Variants in VOPP1 observed in about 807,000 individuals in gnomAD.
VOPP1 encodes the protein VOPP1 WW domain binding protein.
In VOPP1, 8 loss-of-function variants were observed where a neutral mutation model predicts 23.5. That is an observed-to-expected ratio of 0.34 (90% confidence interval 0.20 to 0.61). The LOEUF (loss-of-function observed/expected upper bound fraction) is 0.61. Among genes scored for constraint, VOPP1 ranks in the 20% least tolerant of loss-of-function variants. The pLI, the probability that VOPP1 is intolerant of heterozygous loss-of-function variation, is 0.78. For synonymous variants in VOPP1, 83 were observed against 97.3 expected, an observed-to-expected ratio of 0.85 and a Z score of 0.86; for missense variants, 174 against 238.1, an observed-to-expected ratio of 0.73 and a Z score of 1.77.
chr7:55,482,404 G>C (rs1454558395), intron 4 of VOPP1, among the ~76,000 whole-genome samples: 1 of 148,138 alleles, frequency 6.8e-6, no homozygotes, highest in African/African-American at 2.5e-5. Flanking sequence ...CTGGAGTGCA[G>C]TGGCGCTATC....
intron 4 of VOPP1, among the ~76,000 whole-genome samples, chr7:55,436,974 A>ATC (rs1395133089): frequency 1.3e-5 from 2 of 152,196 alleles, no homozygotes; most frequent in Non-Finnish European, 2.9e-5. Context: ...ACATGTTGAT[A>ATC]AAGATATTAC....
intron 2 of VOPP1, among the ~76,000 whole-genome samples, chr7:55,519,361 G>A (rs1218687574): frequency 1.3e-5 from 2 of 152,150 alleles, no homozygotes; most frequent in Non-Finnish European, 2.9e-5. Context: ...AATGGATAAA[G>A]AACAAATGAA....
At chr7:55,498,361 T>C (rs1794123068) in intron 2 of VOPP1, among the ~76,000 whole-genome samples, 1 of 152,176 alleles carries the variant, frequency 6.6e-6, no homozygotes, top group Admixed American at 6.5e-5. Flanking sequence ...GTGTCTGAGG[T>C]TTCCGGGCCC....
chr7:55,520,402 C>T (rs1795760673), intron 2 of VOPP1, among the ~76,000 whole-genome samples: 1 of 152,132 alleles, frequency 6.6e-6, no homozygotes, highest in Non-Finnish European at 1.5e-5. Context: ...TGACTGATAA[C>T]CTGGAGAGTT....
chr7:55,521,928 T>C lies in VOPP1; in HGVS notation c.55-798A>G, dbSNP rs73698747. On this transcript the variant is annotated intron_variant, in intron 1 of 4. Transcript: ENST00000285279. The stretch of plus-strand genomic sequence containing the variant: ...TTCTAAAATTATTCCATTCGTGCTG[T>C]CATTTTTGTTTTACATTCACAACGT... The C allele has an allele frequency of 1.3e-3, 1,285 of 984,706 alleles. 13 individuals carry two copies. The African/African-American group carries it at 0.021, about 16-fold the overall frequency. The allele number at this position is 984,706 out of a possible 1,614,324, so 61.0% of individuals were successfully genotyped here.
intron 2 of VOPP1, among the ~76,000 whole-genome samples, chr7:55,499,614 C>T (rs754629439): frequency 1.3e-4 from 20 of 152,178 alleles, no homozygotes; most frequent in Non-Finnish European, 2.1e-4. Context: ...AAAATGGAGC[C>T]GGCACCGGCA....
At chr7:55,552,655 T>C (rs1243937634) in intron 1 of VOPP1, 11 of 1,535,908 alleles carry the variant, frequency 7.2e-6, no homozygotes, top group Non-Finnish European at 9.6e-6. Flanking sequence ...TTTCCTACCA[T>C]ATGACACCGC....
intron 1 of VOPP1, among the ~76,000 whole-genome samples, chr7:55,552,035 A>G (rs946546817): frequency 8.0e-6 from 1 of 124,598 alleles, no homozygotes; most frequent in Admixed American, 7.8e-5. Context: ...AAAAAAAAAA[A>G]AAAAAAAAAA....
At chr7:55,492,156 T>A (rs1793616256) in intron 4 of VOPP1, 126 bp downstream of exon 4, 3 of 1,347,324 alleles carry the variant, frequency 2.2e-6, no homozygotes, top group Non-Finnish European at 2.9e-6. Context: ...TCATCAGAAC[T>A]AAAAAAATGA....
chr7:55,526,285 G>T (rs1253524294), intron 1 of VOPP1, among the ~76,000 whole-genome samples: 2 of 152,244 alleles, frequency 1.3e-5, no homozygotes, highest in African/African-American at 4.8e-5. Flanking sequence ...CTGGACGCCC[G>T]TGGTTCAAGG....
chr7:55,446,859 T>A (rs1317469954), intron 4 of VOPP1, among the ~76,000 whole-genome samples: 2 of 152,234 alleles, frequency 1.3e-5, no homozygotes, highest in East Asian at 1.9e-4. Flanking sequence ...GAACAGGAAT[T>A]TATTCTTTCA....
intron 4 of VOPP1, among the ~76,000 whole-genome samples, chr7:55,457,208 T>C (rs1791388752): frequency 6.6e-6 from 1 of 152,198 alleles, no homozygotes; most frequent in Admixed American, 6.5e-5. Context: ...TCCTGGCTTA[T>C]TTCACTTAAC....
chr7:55,497,752 C>A (rs747551674), intron 2 of VOPP1, 62 bp from the exon 3 acceptor site: 3 of 1,460,204 alleles, frequency 2.1e-6, no homozygotes, highest in Non-Finnish European at 2.9e-6. Context: ...ACCAGCCATG[C>A]GGCCCAGGCT....
chr7:55,506,832 T>C (rs956536166), intron 2 of VOPP1, among the ~76,000 whole-genome samples: 7 of 152,120 alleles, frequency 4.6e-5, no homozygotes, highest in African/African-American at 1.4e-4. Flanking sequence ...AGAGACGGGG[T>C]TTACCCATGT....
At chr7:55,491,110 GATGAGTTTAAAGACAGGGGCAC>G (rs1793533840) in intron 4 of VOPP1, among the ~76,000 whole-genome samples, 1 of 152,198 alleles carries the variant, frequency 6.6e-6, no homozygotes. Context: ...CCTACAACCT[GATGAGTTTAAAGACAGGGGCAC>G]ATCCAGAAAA....
chr7:55,464,676 T>C (rs530268507), intron 4 of VOPP1, among the ~76,000 whole-genome samples: 77 of 152,316 alleles, frequency 5.1e-4, no homozygotes, highest in African/African-American at 1.8e-3. Flanking sequence ...AGTGTTGTGA[T>C]GCTGCAGCCT....
intron 2 of VOPP1, among the ~76,000 whole-genome samples, chr7:55,513,029 A>C (rs1345846810): frequency 6.6e-6 from 1 of 152,256 alleles, no homozygotes; most frequent in Non-Finnish European, 1.5e-5. Flanking sequence ...ACAGCAGAGA[A>C]ATGAACCCAG....
At chr7:55,559,944 G>T (rs1400557523) in intron 1 of VOPP1, among the ~76,000 whole-genome samples, 1 of 152,240 alleles carries the variant, frequency 6.6e-6, no homozygotes, top group East Asian at 1.9e-4. Context: ...CCTGAGGTCA[G>T]GAGTTCCAGA....
intron 1 of VOPP1, among the ~76,000 whole-genome samples, chr7:55,525,844 A>G (rs1796162464): frequency 6.6e-6 from 1 of 151,874 alleles, no homozygotes; most frequent in South Asian, 2.1e-4. Flanking sequence ...ACTAAGGGGG[A>G]AAAAAGTGAA....
Sources: allele counts gnomAD v4.1 joint callset (sites outside exome capture counted in the v4.1 genomes callset), GRCh38; gene constraint gnomAD v4.1.1; transcripts MANE v1.5; gene names NCBI Gene and HGNC (gene_info 2026-07-23, HGNC 2026-07-21).